The following NUMB variants were observed in gnomAD, a reference collection of about 807,000 sequenced individuals.
The protein encoded by NUMB is protein numb homolog.
In NUMB, 29 loss-of-function variants were observed where a neutral mutation model predicts 59.7. The observed-to-expected ratio is 0.49, with a 90% confidence interval of 0.36 to 0.66. The LOEUF is 0.66. NUMB is among the 30% of genes least tolerant of loss of function. The probability of loss-of-function intolerance (pLI) is 0.00; values close to 1 mark genes in which losing one functional copy is unlikely to be tolerated. For missense variants in NUMB, 723 were observed against 822.0 expected (o/e 0.88, Z 1.47); for synonymous variants, 288 against 288.2 (o/e 1.00, Z 0.01).
chr14:73,368,898 C>A (rs558012078), intron 2 of NUMB, among the ~76,000 whole-genome samples: 1 of 152,218 alleles, frequency 6.6e-6, no homozygotes, highest in Non-Finnish European at 1.5e-5. Context: ...AGTGGAATTC[C>A]AACAACTCTA....
intron 4 of NUMB, among the ~76,000 whole-genome samples, chr14:73,328,596 A>G (rs1891788401): frequency 6.6e-6 from 1 of 152,190 alleles, no homozygotes; most frequent in African/African-American, 2.4e-5. Flanking sequence ...TTTTTAAGCC[A>G]TTCTAATAGG....
At position 73,379,817 on chromosome 14, in the gene NUMB, C is replaced by T. The variant is rs545701648; in HGVS notation, c.-100-12836G>A. ...GTACAATATACTAAGTGAAGGGAGG[C>T]GAGGAAATGAGGTTGGAAAGAAAGC... On this transcript the variant is annotated intron_variant, in intron 2 of 12. Transcript: ENST00000555238. 2.4e-4 allele frequency among the ~76,000 whole-genome samples: 37 copies of T among 151,914 alleles called. 1 individual carries two copies. In the South Asian group the frequency reaches 3.1e-3, roughly 13 times the overall value.
At chr14:73,326,797 GT>G (rs1307196963) in intron 4 of NUMB, among the ~76,000 whole-genome samples, 1 of 152,134 alleles carries the variant, frequency 6.6e-6, no homozygotes, top group Non-Finnish European at 1.5e-5. Context: ...GCCAGAAACT[GT>G]GCTGGATGCT....
At chr14:73,374,089 C>T (rs573494476) in intron 2 of NUMB, among the ~76,000 whole-genome samples, 3 of 152,092 alleles carry the variant, frequency 2.0e-5, no homozygotes, top group Non-Finnish European at 4.4e-5. Context: ...AGGCTGGTCT[C>T]GAACCCCTGA....
intron 4 of NUMB, 86 bp downstream of exon 4, chr14:73,355,540 T>C: frequency 8.1e-7 from 1 of 1,240,358 alleles, no homozygotes; most frequent in Non-Finnish European, 1.1e-6. Flanking sequence ...GAAGACTCTC[T>C]TAATTGTCCT....
chr14:73,295,070 A>G (rs1889685928), intron 7 of NUMB, among the ~76,000 whole-genome samples: 1 of 147,600 alleles, frequency 6.8e-6, no homozygotes, highest in African/African-American at 2.5e-5. Context: ...AAAAAAAAAA[A>G]AAAAAAAAAA....
intron 3 of NUMB, among the ~76,000 whole-genome samples, chr14:73,364,838 A>T (rs767312400): frequency 6.6e-6 from 1 of 152,074 alleles, no homozygotes; most frequent in Non-Finnish European, 1.5e-5. Context: ...GGGTCTTGCT[A>T]TGTTGCCCAG....
intron 3 of NUMB, among the ~76,000 whole-genome samples, chr14:73,360,890 C>CTTATT (rs1011251685): frequency 6.6e-6 from 1 of 151,470 alleles, no homozygotes; most frequent in East Asian, 1.9e-4. Context: ...TATCTTTTAT[C>CTTATT]TTATTTTATT....
At chr14:73,292,978 C>T (rs45586137) in intron 7 of NUMB, 104 bp from the exon 8 acceptor site, 13 of 1,144,434 alleles carry the variant, frequency 1.1e-5, no homozygotes, top group Non-Finnish European at 1.1e-5. Flanking sequence ...ACATCTGATA[C>T]AACTAGGCTA....
intron 4 of NUMB, among the ~76,000 whole-genome samples, chr14:73,324,421 T>C (rs1178861888): frequency 2.0e-5 from 3 of 152,196 alleles, no homozygotes; most frequent in Non-Finnish European, 4.4e-5. Context: ...GCCTTTTTTT[T>C]TCCCTGCTAA....
intron 3 of NUMB, among the ~76,000 whole-genome samples, chr14:73,359,123 T>C (rs557713461): frequency 6.6e-6 from 1 of 152,368 alleles, no homozygotes; most frequent in East Asian, 1.9e-4. Context: ...GGTCTAAGTA[T>C]CTTGTCACTT....
At chr14:73,379,016 C>T (rs1004131064) in intron 2 of NUMB, among the ~76,000 whole-genome samples, 1 of 152,138 alleles carries the variant, frequency 6.6e-6, no homozygotes, top group East Asian at 1.9e-4. Flanking sequence ...GAACCTAAAA[C>T]TCCTCTTAAA....
chr14:73,412,131 C>T (rs1183861770), intron 1 of NUMB, among the ~76,000 whole-genome samples: 2 of 151,756 alleles, frequency 1.3e-5, no homozygotes, highest in Non-Finnish European at 2.9e-5. Context: ...CTCACACAGG[C>T]TGGTCTCAAA....
chr14:73,404,515 C>T (rs534258943), intron 2 of NUMB, among the ~76,000 whole-genome samples: 1 of 151,906 alleles, frequency 6.6e-6, no homozygotes, highest in Admixed American at 6.6e-5. Context: ...AAAGAGGATA[C>T]ATACATATTA....
chr14:73,372,482 TTTAATATTTAAATATAGA>T (rs1894761301), intron 2 of NUMB, among the ~76,000 whole-genome samples: 1 of 148,432 alleles, frequency 6.7e-6, no homozygotes. Context: ...TATACAGATA[TTTAATATTTAAATATAGA>T]TTAATATTAT....
At chr14:73,311,590 C>T (rs1161041817) in intron 6 of NUMB, among the ~76,000 whole-genome samples, 2 of 152,132 alleles carry the variant, frequency 1.3e-5, no homozygotes, top group Non-Finnish European at 2.9e-5. Flanking sequence ...GAAGGTTTTC[C>T]TGGCTATGAG....
chr14:73,453,036 C>T (rs1044544722), intron 1 of NUMB, among the ~76,000 whole-genome samples: 3 of 152,216 alleles, frequency 2.0e-5, no homozygotes, highest in Non-Finnish European at 2.9e-5. Flanking sequence ...AGACTCCTCC[C>T]TTAAGCACGT....
chr14:73,430,694 C>T (rs1897789036), intron 1 of NUMB, among the ~76,000 whole-genome samples: 2 of 151,982 alleles, frequency 1.3e-5, no homozygotes. Context: ...GTAATGCCAG[C>T]ACTTTGGGAG....
At chr14:73,419,504 A>T (rs1238762841) in intron 1 of NUMB, among the ~76,000 whole-genome samples, 2 of 152,150 alleles carry the variant, frequency 1.3e-5, no homozygotes, top group Admixed American at 1.3e-4. Flanking sequence ...GCGAGACTCC[A>T]TCACAAAATA....
Sources: gnomAD v4.1 joint callset for allele counts (sites outside exome capture counted in the v4.1 genomes callset) on GRCh38, gnomAD v4.1.1 for gene constraint, MANE v1.5 for transcripts, NCBI Gene and HGNC (gene_info 2026-07-23, HGNC 2026-07-21) for gene names.